HS6ST3: variants seen among roughly 807,000 people sequenced by gnomAD.
The protein encoded by HS6ST3 is heparan sulfate 6-O-sulfotransferase 3.
A neutral mutation model predicts 36.7 loss-of-function variants in HS6ST3; 12 were observed. The observed-to-expected ratio is 0.33, with a 90% confidence interval of 0.21 to 0.53. The LOEUF (loss-of-function observed/expected upper bound fraction) is 0.53, where lower values mean the gene tolerates loss of function less well. Ranked by LOEUF, HS6ST3 falls within the 20% of genes least tolerant of loss-of-function variation. The pLI, the probability that HS6ST3 is intolerant of heterozygous loss-of-function variation, is 0.95. For synonymous variants in HS6ST3, 240 were observed against 257.5 expected, an observed-to-expected ratio of 0.93 and a Z score of 0.65; for missense variants, 584 against 640.9, an observed-to-expected ratio of 0.91 and a Z score of 0.96.
At chr13:96,328,909 G>A (rs1412834683) in intron 1 of HS6ST3, among the ~76,000 whole-genome samples, 4 of 151,978 alleles carry the variant, frequency 2.6e-5, no homozygotes, top group Non-Finnish European at 5.9e-5. Flanking sequence ...TTTAGTCTTG[G>A]GGGAGTGTAT....
At position 96,692,830 on chromosome 13, in the gene HS6ST3, A is replaced by G. The variant is rs565568076; in HGVS notation, c.708-139660A>G. Among the ~76,000 whole-genome samples, 5 of 152,316 alleles carry G rather than the reference A, an allele frequency of 3.3e-5. No individual in the cohort carries two copies. The East Asian group carries it at 5.8e-4, about 18-fold the overall frequency. The stretch of plus-strand genomic sequence containing the variant: ...TTGCATTCAGAATTATTCAAATCCA[A>G]TTGCTACTATCAAAACTTACTATGT... On this transcript the variant is annotated intron_variant, in intron 1 of 1. Coordinates refer to ENST00000376705, the MANE Select transcript of HS6ST3 (RefSeq NM_153456.4).
chr13:96,402,133 C>A (rs2055455203), intron 1 of HS6ST3, among the ~76,000 whole-genome samples: 1 of 152,046 alleles, frequency 6.6e-6, no homozygotes, highest in East Asian at 1.9e-4. Context: ...ACTACTGCAC[C>A]CAGTTCTATT....
At chr13:96,569,400 C>G (rs1443288816) in intron 1 of HS6ST3, among the ~76,000 whole-genome samples, 1 of 152,126 alleles carries the variant, frequency 6.6e-6, no homozygotes, top group African/African-American at 2.4e-5. Flanking sequence ...GAGACTGACG[C>G]CAAGGATAGC....
At chr13:96,345,417 G>A (rs369711348) in intron 1 of HS6ST3, among the ~76,000 whole-genome samples, 13 of 151,932 alleles carry the variant, frequency 8.6e-5, no homozygotes, top group Non-Finnish European at 1.3e-4. Flanking sequence ...TCTAGTGCCC[G>A]GTATTATTTA....
chr13:96,678,725 T>G (rs909923646), intron 1 of HS6ST3, among the ~76,000 whole-genome samples: 3 of 151,960 alleles, frequency 2.0e-5, no homozygotes, highest in African/African-American at 7.2e-5. Context: ...AAAGCAGGAT[T>G]GGCCTTGACT....
intron 1 of HS6ST3, among the ~76,000 whole-genome samples, chr13:96,632,976 T>G (rs1305602907): frequency 6.6e-6 from 1 of 152,236 alleles, no homozygotes; most frequent in Non-Finnish European, 1.5e-5. Context: ...GTTTCTCCTC[T>G]CACTGTGCTG....
intron 1 of HS6ST3, among the ~76,000 whole-genome samples, chr13:96,395,966 C>T (rs183983099): frequency 6.6e-6 from 1 of 152,168 alleles, no homozygotes; most frequent in East Asian, 1.9e-4. Flanking sequence ...TTTGCCTGAG[C>T]CTCTGTTTCC....
chr13:96,781,342 G>A (rs934650059), intron 1 of HS6ST3, among the ~76,000 whole-genome samples: 3 of 152,206 alleles, frequency 2.0e-5, no homozygotes, highest in Non-Finnish European at 4.4e-5. Flanking sequence ...AGCATGAGCT[G>A]GCTTTCAGTC....
intron 1 of HS6ST3, among the ~76,000 whole-genome samples, chr13:96,235,960 GC>G (rs1057347319): frequency 2.6e-5 from 4 of 152,150 alleles, no homozygotes; most frequent in African/African-American, 9.7e-5. Flanking sequence ...GCCAATCCAA[GC>G]CCCAAAACCT....
chr13:96,131,811 G>C (rs1049831898), intron 1 of HS6ST3, among the ~76,000 whole-genome samples: 1 of 149,358 alleles, frequency 6.7e-6, no homozygotes, highest in Non-Finnish European at 1.5e-5. Context: ...AGATAATGGC[G>C]TGGAGACCAT....
At chr13:96,152,717 G>GCA (rs1296569939) in intron 1 of HS6ST3, among the ~76,000 whole-genome samples, 1 of 152,000 alleles carries the variant, frequency 6.6e-6, no homozygotes, top group African/African-American at 2.4e-5. Context: ...TTTCTAAGGT[G>GCA]CATTTCTAAT....
intron 1 of HS6ST3, among the ~76,000 whole-genome samples, chr13:96,658,385 A>G (rs78351201): frequency 0.086 from 12,521 of 146,066 alleles, 679 homozygotes; most frequent in Admixed American, 0.17. Flanking sequence ...GGTTTAAGTG[A>G]TTCTTCTGCC....
intron 1 of HS6ST3, among the ~76,000 whole-genome samples, chr13:96,299,417 G>A (rs2054870715): frequency 6.6e-6 from 1 of 152,092 alleles, no homozygotes; most frequent in South Asian, 2.1e-4. Context: ...GTTCATAGAG[G>A]GCTCCCCACT....
intron 1 of HS6ST3, among the ~76,000 whole-genome samples, chr13:96,472,861 CTT>C (rs2055846062): frequency 6.6e-6 from 1 of 152,144 alleles, no homozygotes; most frequent in Non-Finnish European, 1.5e-5. Flanking sequence ...TCACTGGAAA[CTT>C]ATGAATTATT....
chr13:96,650,179 T>C (rs2139012026), intron 1 of HS6ST3, among the ~76,000 whole-genome samples: 1 of 152,152 alleles, frequency 6.6e-6, no homozygotes, highest in South Asian at 2.1e-4. Context: ...TTTTACATCT[T>C]CAAACATATT....
chr13:96,518,559 T>A (rs1310516751), intron 1 of HS6ST3, among the ~76,000 whole-genome samples: 1 of 152,176 alleles, frequency 6.6e-6, no homozygotes, highest in East Asian at 1.9e-4. Flanking sequence ...GTCTTATTAT[T>A]TGTTTGGTAT....
intron 1 of HS6ST3, among the ~76,000 whole-genome samples, chr13:96,533,937 A>G (rs928487651): frequency 6.6e-6 from 1 of 152,312 alleles, no homozygotes; most frequent in African/African-American, 2.4e-5. Context: ...TGCCCTATCC[A>G]TCCTTTCCTT....
At chr13:96,623,314 C>T (rs139599156) in intron 1 of HS6ST3, among the ~76,000 whole-genome samples, 1 of 152,190 alleles carries the variant, frequency 6.6e-6, no homozygotes, top group East Asian at 1.9e-4. Flanking sequence ...AGTATATCTC[C>T]CTGTGCTGGG....
chr13:96,461,688 G>C (rs1352031246), intron 1 of HS6ST3, among the ~76,000 whole-genome samples: 1 of 152,172 alleles, frequency 6.6e-6, no homozygotes, highest in Non-Finnish European at 1.5e-5. Context: ...TCACCCTGAG[G>C]TTTTCTGCCA....
Sources: gnomAD v4.1 joint callset for allele counts (sites outside exome capture counted in the v4.1 genomes callset) on GRCh38, gnomAD v4.1.1 for gene constraint, MANE v1.5 for transcripts, NCBI Gene and HGNC (gene_info 2026-07-23, HGNC 2026-07-21) for gene names.